The following MAP3K20 variants were observed in gnomAD, a reference collection of about 807,000 sequenced individuals.
The protein encoded by MAP3K20 is HCCS-4.
In MAP3K20, 40 loss-of-function variants were observed where a neutral mutation model predicts 85.7. The observed-to-expected ratio is 0.47, with a 90% CI of 0.36 to 0.61. The LOEUF (loss-of-function observed/expected upper bound fraction) is 0.61. Among genes scored for constraint, MAP3K20 ranks in the 20% least tolerant of loss-of-function variants. The pLI is 0.00. For synonymous variants in MAP3K20, 325 were observed against 327.7 expected, an observed-to-expected ratio of 0.99 and a Z score of 0.09; for missense variants, 817 against 961.7, an observed-to-expected ratio of 0.85 and a Z score of 1.99.
chr2:173,209,535 C>T, intron 9 of MAP3K20, 194 bp from the exon 10 acceptor site: 1 of 452,478 alleles, frequency 2.2e-6, no homozygotes, highest in East Asian at 3.5e-5. Context: ...GAATAGTTCA[C>T]CGAAAATAAA....
chr2:173,259,506 G>A (rs1685237577), intron 17 of MAP3K20, among the ~76,000 whole-genome samples: 1 of 152,186 alleles, frequency 6.6e-6, no homozygotes, highest in South Asian at 2.1e-4. Flanking sequence ...AAGTCAACAG[G>A]ATAGTCACCA....
At chr2:173,141,405 A>C (rs1274221331) in intron 2 of MAP3K20, among the ~76,000 whole-genome samples, 1 of 152,204 alleles carries the variant, frequency 6.6e-6, no homozygotes, top group Non-Finnish European at 1.5e-5. Context: ...AAAATTCTAG[A>C]ACTGTAAAAC....
chr2:173,128,921 C>CTTTTTTTTT lies in MAP3K20; in HGVS notation c.159+37742_159+37750dup, dbSNP rs386391866. On this transcript the variant is annotated intron_variant, in intron 2 of 19. Coordinates refer to ENST00000375213, the MANE Select transcript of MAP3K20 (RefSeq NM_016653.3). ...TTCAGATCAATTTTAGAAATCTTTT[C>CTTTTTTTTT]TTTTTTTTTTTTTTTTTTTGAGGCA... is the stretch of plus-strand genomic sequence containing the variant. Among the ~76,000 whole-genome samples, 4 of 116,088 alleles carry CTTTTTTTTT rather than the reference C, an allele frequency of 3.4e-5. 1 individual carries two copies. Among genetic ancestry groups the CTTTTTTTTT allele is most frequent in the South Asian group, 2.7e-4 (1 of 3,654 alleles). The allele number at this position is 116,088 out of a possible 152,430, so 76.2% of individuals were successfully genotyped here.
chr2:173,082,333 A>G (rs887903174), intron 1 of MAP3K20, among the ~76,000 whole-genome samples: 1 of 152,184 alleles, frequency 6.6e-6, no homozygotes, highest in African/African-American at 2.4e-5. Context: ...TCATCAAAAC[A>G]TAATATAAGG....
chr2:173,116,784 T>C (rs1263069687), intron 2 of MAP3K20, among the ~76,000 whole-genome samples: 1 of 152,242 alleles, frequency 6.6e-6, no homozygotes, highest in African/African-American at 2.4e-5. Flanking sequence ...CAGCTACTTA[T>C]TGGTAGAAGC....
At chr2:173,246,626 A>T (rs1223090741) in intron 16 of MAP3K20, among the ~76,000 whole-genome samples, 1 of 152,204 alleles carries the variant, frequency 6.6e-6, no homozygotes, top group Non-Finnish European at 1.5e-5. Flanking sequence ...AAAATTCAAA[A>T]GCAGAATTAG....
intron 17 of MAP3K20, among the ~76,000 whole-genome samples, chr2:173,259,185 C>G (rs1458702745): frequency 6.6e-6 from 1 of 151,988 alleles, no homozygotes; most frequent in African/African-American, 2.4e-5. Context: ...CGGAGAATGA[C>G]TTTCTTGGTT....
rs1247479272 is a variant in MAP3K20 at position 173,075,950 on chromosome 2, C to T, written c.-87C>T. The T allele has an allele frequency of 5.1e-6, 5 of 985,020 alleles. No individual in the cohort carries two copies. In the East Asian group the frequency reaches 4.6e-4, roughly 90 times the overall value. 61.0% of individuals were successfully genotyped at this position (985,020 alleles called of 1,614,324 possible). On this transcript the variant is annotated 5_prime_UTR_variant, in exon 1 of 20. Transcript: ENST00000375213. ...GTCCCAACCCCCGCCGCCCTCGTCG[C>T]GCGCGGGGCCTCCGCGCCCCCGGCT...
chr2:173,266,614 C>A lies in MAP3K20; in HGVS notation c.2267C>A (p.Ala756Asp). Reference protein sequence around the residue: ...MPLHPETDSRASEEDSKVSEG... With the variant: ...MPLHPETDSRDSEEDSKVSEG... The stretch of plus-strand genomic sequence containing the variant: ...TTGCACCCTGAGACTGACTCAAGAG[C>A]CAGTGAAGAGGACAGCAAAGTCAGC... The change falls in exon 20 of 20, where the codon GCC becomes GAC. Residue 756 changes from alanine (A) to aspartate (D), a missense_variant. Physicochemically the swap from Ala to Asp is moderately radical, Grantham distance 126. This residue lies in a region of MAP3K20 where 454 missense variants were observed against 476.9 expected (regional missense o/e 0.95). Transcript: ENST00000375213. 3 of 1,613,734 alleles carry A rather than the reference C, an allele frequency of 1.9e-6. No individual in the cohort carries two copies. The highest frequency in any genetic ancestry group is 2.5e-6 in the Non-Finnish European group (3 of 1,179,950).
At chr2:173,250,159 A>G (rs1685010610) in intron 16 of MAP3K20, among the ~76,000 whole-genome samples, 1 of 152,230 alleles carries the variant, frequency 6.6e-6, no homozygotes, top group Non-Finnish European at 1.5e-5. Context: ...TATTTTAAAA[A>G]CCAACTACTC....
Position 173,266,772 on chromosome 2 carries a change from T to A in MAP3K20, c.*22T>A. 1.6e-6 allele frequency: 2 copies of A among 1,251,076 alleles called. No individual in the cohort carries two copies. The highest frequency in any genetic ancestry group is 2.1e-6 in the Non-Finnish European group (2 of 945,930). The allele number at this position is 1,251,076 out of a possible 1,614,324, so 77.5% of individuals were successfully genotyped here. A position where few individuals can be genotyped will look rare whatever the true frequency, so the allele number is the denominator to read the frequency against. On this transcript the variant is annotated 3_prime_UTR_variant, in exon 20 of 20. Transcript: ENST00000375213. ...TTGATGAATTGAACTACATAGCTTTTCTAAGCAGGTTAAAAAAAAAAAAAA... is the reference window on the plus strand; with the variant it reads ...TTGATGAATTGAACTACATAGCTTTACTAAGCAGGTTAAAAAAAAAAAAAA...
chr2:173,152,288 CT>C (rs1313204559), intron 2 of MAP3K20, among the ~76,000 whole-genome samples: 2 of 152,282 alleles, frequency 1.3e-5, no homozygotes, highest in East Asian at 3.9e-4. Context: ...ATTCTTGTCT[CT>C]TGAAGGTCAT....
chr2:173,134,418 A>ATTTT (rs1559246078), intron 2 of MAP3K20, among the ~76,000 whole-genome samples: 3 of 6,144 alleles, frequency 4.9e-4, no homozygotes, highest in African/African-American at 1.2e-3. Flanking sequence ...ATATATATAT[A>ATTTT]TATATATATA....
intron 11 of MAP3K20, chr2:173,221,584 T>G (rs1348743802): frequency 6.9e-7 from 1 of 1,450,316 alleles, no homozygotes; most frequent in African/African-American, 1.4e-5. Flanking sequence ...CAAAAGTAAC[T>G]TGTTTATCTC....
Position 173,090,989 on chromosome 2 carries a change from T to C in MAP3K20, c.-34-9T>C. 6.4e-7 allele frequency: 1 copy of C among 1,567,124 alleles called. No individual in the cohort carries two copies. The highest frequency in any genetic ancestry group is 2.3e-5 in the East Asian group (1 of 44,358). On this transcript the variant is annotated splice_polypyrimidine_tract_variant and intron_variant, in intron 1 of 19. Coordinates refer to ENST00000375213, the MANE Select transcript of MAP3K20 (RefSeq NM_016653.3). ...GTAATTCAGCTTTTCTTTTTCTTTCTTTCTGCAGATTTTGTGGAAGTATAA... is the reference window on the plus strand; with the variant it reads ...GTAATTCAGCTTTTCTTTTTCTTTCCTTCTGCAGATTTTGTGGAAGTATAA...
intron 2 of MAP3K20, among the ~76,000 whole-genome samples, chr2:173,154,791 A>T (rs1689416424): frequency 6.6e-6 from 1 of 152,144 alleles, no homozygotes; most frequent in Non-Finnish European, 1.5e-5. Flanking sequence ...TTTAATGTTA[A>T]AACTCAGACT....
At chr2:173,101,288 T>C (rs1321224917) in intron 2 of MAP3K20, among the ~76,000 whole-genome samples, 1 of 152,240 alleles carries the variant, frequency 6.6e-6, no homozygotes, top group African/African-American at 2.4e-5. Flanking sequence ...CCTTCTTATG[T>C]TTGCTACTTA....
intron 2 of MAP3K20, among the ~76,000 whole-genome samples, chr2:173,097,480 A>G (rs557205824): frequency 2.0e-5 from 3 of 152,330 alleles, no homozygotes; most frequent in Non-Finnish European, 4.4e-5. Flanking sequence ...TCTGTCTGGA[A>G]GAGATGGGAA....
At chr2:173,119,249 C>T (rs1688208920) in intron 2 of MAP3K20, among the ~76,000 whole-genome samples, 1 of 152,186 alleles carries the variant, frequency 6.6e-6, no homozygotes. Context: ...AACTGGTTTA[C>T]AAGAAGCCAT....
Sources: allele counts gnomAD v4.1 joint callset (sites outside exome capture counted in the v4.1 genomes callset), GRCh38; gene constraint gnomAD v4.1.1; regional missense constraint gnomAD v4.1.1; transcripts MANE v1.5; gene names NCBI Gene and HGNC (gene_info 2026-07-23, HGNC 2026-07-21).